CACNA1H: variants seen among roughly 807,000 people sequenced by gnomAD.
CACNA1H encodes voltage-dependent T-type calcium channel subunit alpha-1H.
Under a neutral mutation model 192.5 loss-of-function variants are expected in CACNA1H, and 149 were observed. The ratio of observed to expected loss-of-function variants is 0.77; its 90% CI spans 0.68 to 0.89. The LOEUF (loss-of-function observed/expected upper bound fraction) is 0.89. Ranked by LOEUF, CACNA1H falls within the 40% of genes least tolerant of loss-of-function variation. The pLI, the probability that CACNA1H is intolerant of heterozygous loss-of-function variation, is 0.00. For missense variants in CACNA1H, 4,257 were observed against 3,423.5 expected (o/e 1.24, Z -6.08); for synonymous variants, 2,202 against 1,475.2 (o/e 1.49, Z -11.29).
At chr16:1,184,218 G>C (rs752088570) in intron 2 of CACNA1H, among the ~76,000 whole-genome samples, 2 of 152,234 alleles carry the variant, frequency 1.3e-5, no homozygotes, top group African/African-American at 4.8e-5. Flanking sequence ...GCCCCTCCCC[G>C]AGCCCTGAGA....
chr16:1,192,080 A>G (rs893660342), intron 2 of CACNA1H, among the ~76,000 whole-genome samples: 1 of 152,046 alleles, frequency 6.6e-6, no homozygotes, highest in Non-Finnish European at 1.5e-5. Flanking sequence ...GCGGAGGGGG[A>G]TGCACCTGGA....
intron 25 of CACNA1H, 125 bp from the exon 26 acceptor site, chr16:1,212,386 C>G: frequency 3.7e-6 from 4 of 1,089,680 alleles, no homozygotes; most frequent in Non-Finnish European, 5.3e-6. Flanking sequence ...GGTTCCCCAC[C>G]GAGTCCTCAC....
intron 2 of CACNA1H, among the ~76,000 whole-genome samples, chr16:1,171,274 G>A (rs1165197372): frequency 6.6e-6 from 1 of 152,148 alleles, no homozygotes; most frequent in Non-Finnish European, 1.5e-5. Flanking sequence ...GGGCCCTCCT[G>A]GGCGGGCTGG....
At chr16:1,208,339 C>T (rs1347342908) in intron 16 of CACNA1H, 118 bp downstream of exon 16, 4 of 728,416 alleles carry the variant, frequency 5.5e-6, no homozygotes, top group African/African-American at 1.8e-5. Context: ...GAAGTCCCAG[C>T]CTGTGCAGAG....
At chr16:1,196,884 G>A (rs746293602) in intron 5 of CACNA1H, among the ~76,000 whole-genome samples, 8 of 152,112 alleles carry the variant, frequency 5.3e-5, no homozygotes, top group South Asian at 2.1e-4. Flanking sequence ...GGGTCGGCGC[G>A]GCCCCCACGA....
chr16:1,214,137 C>A (rs1032486968), intron 27 of CACNA1H, among the ~76,000 whole-genome samples: 2 of 152,114 alleles, frequency 1.3e-5, no homozygotes, highest in African/African-American at 2.4e-5. Context: ...CCAACCTGGC[C>A]GTGAGTGTCC....
rs573604767 is a variant in CACNA1H at position 1,195,828 on chromosome 16, G to A, written c.546-98G>A. On this transcript the variant is annotated intron_variant, in intron 4 of 34. Coordinates refer to ENST00000348261, the MANE Select transcript of CACNA1H (RefSeq NM_021098.3). ...TACAAGGTCCTCCGGGTGCCGGGCT[G>A]GCCGGTTCTATGCCTGCCCACCCTA... 1.8e-5 allele frequency: 19 copies of A among 1,037,210 alleles called. No individual in the cohort carries two copies. The African/African-American group carries it at 2.0e-4, about 11-fold the overall frequency. The allele number at this position is 1,037,210 out of a possible 1,614,324, so 64.3% of individuals were successfully genotyped here. A position where few individuals can be genotyped will look rare whatever the true frequency, so the allele number is the denominator to read the frequency against.
chr16:1,157,020 G>A (rs1337936999), intron 2 of CACNA1H: 1 of 152,264 alleles, frequency 6.6e-6, no homozygotes, highest in Non-Finnish European at 1.5e-5. Flanking sequence ...TATAGAGAAA[G>A]GTGGGTGGGA....
Position 1,208,915 on chromosome 16 carries a change from G to T in CACNA1H, c.3364-117G>T, listed in dbSNP as rs542238253. On this transcript the variant is annotated intron_variant, in intron 16 of 34. Coordinates refer to ENST00000348261, the MANE Select transcript of CACNA1H (RefSeq NM_021098.3). ...ATCACAGCCTCCACCGTGCCTCCCTGGCGGGGCTATGCATTAAATGATCCA... is the reference window on the plus strand; with the variant it reads ...ATCACAGCCTCCACCGTGCCTCCCTTGCGGGGCTATGCATTAAATGATCCA... The T allele has an allele frequency of 5.3e-6, 6 of 1,128,634 alleles. No individual in the cohort carries two copies. In the South Asian group the frequency reaches 1.4e-4, roughly 25 times the overall value. The allele number at this position is 1,128,634 out of a possible 1,614,324, so 69.9% of individuals were successfully genotyped here.
chr16:1,187,979 G>C (rs984343657), intron 2 of CACNA1H, among the ~76,000 whole-genome samples: 2 of 152,264 alleles, frequency 1.3e-5, no homozygotes, highest in Non-Finnish European at 2.9e-5. Flanking sequence ...AGCCGTGTCA[G>C]TCAGGAGAGT....
rs1467987521 is a variant in CACNA1H at position 1,221,380 on chromosome 16, C to T, written c.*386C>T. The stretch of plus-strand genomic sequence containing the variant: ...CAGGACACTCGCTGGGGGCCCTGTG[C>T]CCTTGCCGGCGGCAGGTTGCAGCCA... On this transcript the variant is annotated 3_prime_UTR_variant, in exon 35 of 35. Transcript: ENST00000348261. 1 of 314,954 alleles carries T rather than the reference C, an allele frequency of 3.2e-6. No homozygotes were observed. The highest frequency in any genetic ancestry group is 5.8e-6 in the Non-Finnish European group (1 of 171,616). The allele number at this position is 314,954 out of a possible 1,614,324, so 19.5% of individuals were successfully genotyped here.
chr16:1,197,400 C>A (rs780863438), intron 5 of CACNA1H, among the ~76,000 whole-genome samples: 1 of 152,212 alleles, frequency 6.6e-6, no homozygotes, highest in Non-Finnish European at 1.5e-5. Context: ...ACACACAGCC[C>A]CTTCCTTCCA....
rs912850265 is a variant in CACNA1H at position 1,183,106 on chromosome 16, C to T, written c.300-11866C>T. Among the ~76,000 whole-genome samples, 5 of 148,940 alleles carry T rather than the reference C, an allele frequency of 3.4e-5. No homozygotes were observed. The East Asian group carries it at 8.0e-4, about 24-fold the overall frequency. On this transcript the variant is annotated intron_variant, in intron 2 of 34. Coordinates refer to ENST00000348261, the MANE Select transcript of CACNA1H (RefSeq NM_021098.3). The stretch of plus-strand genomic sequence containing the variant: ...CAGCAGCAGGGACTGGGGTGGGACA[C>T]GGTGGGGCCCCAGGTGGCGGTTTCC...
At chr16:1,184,610 G>C (rs1018360765) in intron 2 of CACNA1H, among the ~76,000 whole-genome samples, 1 of 152,252 alleles carries the variant, frequency 6.6e-6, no homozygotes, top group Non-Finnish European at 1.5e-5. Context: ...CAGGTCTCAA[G>C]GGGCTGGAGG....
chr16:1,205,870 T>G (rs1039639799), intron 11 of CACNA1H, among the ~76,000 whole-genome samples: 1 of 152,210 alleles, frequency 6.6e-6, no homozygotes, highest in South Asian at 2.1e-4. Context: ...GAGCCAGGCT[T>G]CTTTCCCAGG....
rs188945543 is a variant in CACNA1H at position 1,167,261 on chromosome 16, G to A, written c.299+13225G>A. ...GGTATGGGCCTCCTGTCAGCAGCCC[G>A]TCCCGGTGGGTGGGGCTTGCCGGCC... On this transcript the variant is annotated intron_variant, in intron 2 of 34. Transcript: ENST00000348261. This position sits in a 1 kb window ranked among gnomAD's most constrained non-coding sequence, Gnocchi z 4.2. Among the ~76,000 whole-genome samples, 11 of 152,290 alleles carry A rather than the reference G, an allele frequency of 7.2e-5. No individual in the cohort carries two copies. The highest frequency in any genetic ancestry group is 1.2e-4 in the African/African-American group (5 of 41,574).
intron 2 of CACNA1H, among the ~76,000 whole-genome samples, chr16:1,159,281 G>A (rs1211009260): frequency 2.0e-5 from 3 of 152,240 alleles, no homozygotes; most frequent in African/African-American, 4.8e-5. Context: ...CCCGACAGGG[G>A]CAGAGTCCAT....
At chr16:1,214,472 T>G (rs1383070273) in intron 27 of CACNA1H, among the ~76,000 whole-genome samples, 1 of 152,208 alleles carries the variant, frequency 6.6e-6, no homozygotes, top group Admixed American at 6.5e-5. Flanking sequence ...ATCTTCCCTC[T>G]CCGGAGGTTC....
At chr16:1,198,249 C>G (rs1967231747) in intron 5 of CACNA1H, among the ~76,000 whole-genome samples, 1 of 149,068 alleles carries the variant, frequency 6.7e-6, no homozygotes, top group Non-Finnish European at 1.5e-5. Context: ...GTGGTCAGAC[C>G]TGCCGCAGCC....
Sources: gnomAD v4.1 joint callset for allele counts (sites outside exome capture counted in the v4.1 genomes callset) on GRCh38, gnomAD v4.1.1 for gene constraint, Gnocchi (gnomAD v3.1) non-coding constraint, MANE v1.5 for transcripts, NCBI Gene and HGNC (gene_info 2026-07-23, HGNC 2026-07-21) for gene names.